CDH12: variants seen among roughly 807,000 people sequenced by gnomAD.
The protein encoded by CDH12 is cadherin 12.
CDH12 carries 41 observed loss-of-function variants against 74.1 expected under a neutral mutation model. The observed-to-expected ratio is 0.55, with a 90% CI of 0.43 to 0.72. The LOEUF (loss-of-function observed/expected upper bound fraction) is 0.72, where lower values mean the gene tolerates loss of function less well. Among genes scored for constraint, CDH12 ranks in the 30% least tolerant of loss-of-function variants. The pLI is 0.00. For synonymous variants in CDH12, 399 were observed against 355.0 expected (o/e 1.12, Z -1.39); for missense variants, 945 against 977.2 (o/e 0.97, Z 0.44).
chr5:22,678,374 A>G (rs1332451665), intron 1 of CDH12, among the ~76,000 whole-genome samples: 1 of 152,104 alleles, frequency 6.6e-6, no homozygotes, highest in Non-Finnish European at 1.5e-5. Flanking sequence ...AACAATATCA[A>G]TACAAATACA....
At chr5:22,386,889 A>C (rs1393836619) in intron 3 of CDH12, among the ~76,000 whole-genome samples, 2 of 151,966 alleles carry the variant, frequency 1.3e-5, no homozygotes, top group Non-Finnish European at 2.9e-5. Flanking sequence ...TTGAGAGCAT[A>C]CTATAATTTT....
At chr5:22,599,190 C>T (rs1433995076) in intron 1 of CDH12, among the ~76,000 whole-genome samples, 1 of 152,140 alleles carries the variant, frequency 6.6e-6, no homozygotes, top group Non-Finnish European at 1.5e-5. Flanking sequence ...TAAAGCAGTT[C>T]TTCAATCCTG....
intron 4 of CDH12, 112 bp from the exon 5 acceptor site, chr5:22,078,974 A>C: frequency 2.8e-6 from 1 of 359,862 alleles, no homozygotes; most frequent in Non-Finnish European, 4.3e-6. Context: ...GAAAGACTAT[A>C]AAAGAATTAT....
At chr5:22,372,632 A>G (rs1741342633) in intron 3 of CDH12, among the ~76,000 whole-genome samples, 1 of 152,070 alleles carries the variant, frequency 6.6e-6, no homozygotes, top group African/African-American at 2.4e-5. Context: ...ACACATCTCG[A>G]AAACAAACCT....
chr5:22,320,580 C>T (rs769051073), intron 3 of CDH12, among the ~76,000 whole-genome samples: 62 of 152,174 alleles, frequency 4.1e-4, no homozygotes, highest in Non-Finnish European at 7.4e-4. Flanking sequence ...AACAAGTGAA[C>T]AAGCAAAATC....
In CDH12 at chr5:22,469,605, C is replaced by G. The variant is rs368186535; in HGVS notation, c.-428+35665G>C. On this transcript the variant is annotated intron_variant, in intron 2 of 14. Coordinates refer to ENST00000382254, the MANE Select transcript of CDH12 (RefSeq NM_004061.5). ...CCAAATAAGGTGGCATTCTGAGGTA[C>G]TGGGGCATTAGAACCTCAACAGATA... Among the ~76,000 whole-genome samples, 6 of 152,238 alleles carry G rather than the reference C, an allele frequency of 3.9e-5. No homozygotes were observed. In the East Asian group the frequency reaches 5.8e-4, roughly 15 times the overall value.
At chr5:22,352,126 GTTT>G (rs77885542) in intron 3 of CDH12, among the ~76,000 whole-genome samples, 1 of 136,954 alleles carries the variant, frequency 7.3e-6, no homozygotes. Context: ...GCTTAGACTT[GTTT>G]TTTTTTTTTT....
At chr5:22,825,551 G>A (rs1736275120) in intron 1 of CDH12, among the ~76,000 whole-genome samples, 1 of 152,200 alleles carries the variant, frequency 6.6e-6, no homozygotes, top group African/African-American at 2.4e-5. Context: ...TTAAGAAACA[G>A]CAAAGGCTGC....
chr5:22,391,350 T>A (rs1445126962), intron 3 of CDH12, among the ~76,000 whole-genome samples: 1 of 152,332 alleles, frequency 6.6e-6, no homozygotes, highest in South Asian at 2.1e-4. Flanking sequence ...GTTATTGTCA[T>A]CTGTTAGTAA....
rs147908498 is a variant in CDH12 at position 22,516,670 on chromosome 5, C to T, written c.-522-11306G>A. 3.7e-3 allele frequency among the ~76,000 whole-genome samples: 563 copies of T among 151,998 alleles called. 3 individuals are homozygous for T. The highest frequency in any genetic ancestry group is 5.1e-3 in the Admixed American group (78 of 15,276). On this transcript the variant is annotated intron_variant, in intron 1 of 14. Transcript: ENST00000382254. The stretch of plus-strand genomic sequence containing the variant: ...ATTAGCAGGGCATGGTGATGCATGC[C>T]GGCAGCCCCAGCTACTAGCGAGACT...
chr5:22,526,170 T>C (rs1480885337), intron 1 of CDH12, among the ~76,000 whole-genome samples: 1 of 152,142 alleles, frequency 6.6e-6, no homozygotes, highest in Non-Finnish European at 1.5e-5. Context: ...ACTAAATCTA[T>C]AAAATTTGTG....
At chr5:22,513,136 C>T (rs2126674646) in intron 1 of CDH12, among the ~76,000 whole-genome samples, 1 of 152,268 alleles carries the variant, frequency 6.6e-6, no homozygotes, top group East Asian at 1.9e-4. Context: ...TAAAATCCCA[C>T]TGATATCTCT....
chr5:22,779,758 T>C lies in CDH12; in HGVS notation c.-523+73300A>G, dbSNP rs371998703. The stretch of plus-strand genomic sequence containing the variant: ...GTGCCTGTTTTCTCTTGAGCCATGA[T>C]TGTGAGTTTCCTGAGGCCTCCTCAG... On this transcript the variant is annotated intron_variant, in intron 1 of 14. Coordinates refer to ENST00000382254, the MANE Select transcript of CDH12 (RefSeq NM_004061.5). Among the ~76,000 whole-genome samples the C allele has an allele frequency of 4.6e-5, 7 of 152,242 alleles. No homozygotes were observed. The East Asian group carries it at 1.4e-3, about 29-fold the overall frequency.
At chr5:22,732,142 A>T (rs543672896) in intron 1 of CDH12, among the ~76,000 whole-genome samples, 81 of 151,914 alleles carry the variant, frequency 5.3e-4, no homozygotes, top group Non-Finnish European at 9.9e-4. Flanking sequence ...GTCTGAGGTC[A>T]ACATATTTGG....
chr5:22,784,331 C>CA (rs1747524141), intron 1 of CDH12, among the ~76,000 whole-genome samples: 1 of 152,070 alleles, frequency 6.6e-6, no homozygotes, highest in South Asian at 2.1e-4. Flanking sequence ...AACCTCTGTC[C>CA]TGACTCCACA....
intron 5 of CDH12, among the ~76,000 whole-genome samples, chr5:22,070,965 G>C (rs1333489503): frequency 6.6e-6 from 1 of 152,030 alleles, no homozygotes. Flanking sequence ...AACACACACT[G>C]CAGCCTGTCA....
chr5:21,849,619 A>G (rs1212537835), intron 7 of CDH12, among the ~76,000 whole-genome samples: 1 of 151,740 alleles, frequency 6.6e-6, no homozygotes, highest in Non-Finnish European at 1.5e-5. Flanking sequence ...TTCTGGCAAA[A>G]AGTATTAAAA....
intron 5 of CDH12, among the ~76,000 whole-genome samples, chr5:22,011,590 C>T (rs1429246047): frequency 3.3e-5 from 5 of 152,142 alleles, no homozygotes; most frequent in African/African-American, 9.7e-5. Context: ...GAATACACTG[C>T]TAGAAACTAA....
intron 2 of CDH12, among the ~76,000 whole-genome samples, chr5:22,467,386 C>A (rs537263692): frequency 4.6e-5 from 7 of 152,270 alleles, no homozygotes; most frequent in Admixed American, 2.6e-4. Context: ...TTGTTCAAAT[C>A]CACTTAATGT....
Sources: gnomAD v4.1 joint callset for allele counts (sites outside exome capture counted in the v4.1 genomes callset) on GRCh38, gnomAD v4.1.1 for gene constraint, MANE v1.5 for transcripts, NCBI Gene and HGNC (gene_info 2026-07-23, HGNC 2026-07-21) for gene names.